The following TECPR2 variants were observed in gnomAD, a reference collection of about 807,000 sequenced individuals.
TECPR2 encodes the protein tectonin beta-propeller repeat containing 2, also known as tectonin beta-propeller repeat-containing protein 2.
TECPR2 carries 65 observed loss-of-function variants against 138.1 expected under a neutral mutation model. That is an observed-to-expected ratio of 0.47 (90% CI 0.39 to 0.58). The LOEUF (loss-of-function observed/expected upper bound fraction) is 0.58, where lower values mean the gene tolerates loss of function less well. Among genes scored for constraint, TECPR2 ranks in the 20% least tolerant of loss-of-function variants. The pLI is 0.00. For synonymous variants in TECPR2, 746 were observed against 749.8 expected (o/e 0.99, Z 0.08); for missense variants, 1,553 against 1,824.5 (o/e 0.85, Z 2.71).
rs1891361242 is a variant in TECPR2 at position 102,498,731 on chromosome 14, T to C, written c.*474T>C. On this transcript the variant is annotated 3_prime_UTR_variant, in exon 20 of 20. Transcript: ENST00000359520. ...GCTCGGTGATGGCTTTGTCCCATCA[T>C]AGGGGGGTGTCCCCCCAGAGACAAA... 8.9e-6 allele frequency: 4 copies of C among 448,032 alleles called. No homozygotes were observed. The highest frequency in any genetic ancestry group is 7.3e-5 in the South Asian group (4 of 54,728). The allele number at this position is 448,032 out of a possible 1,614,324, so 27.8% of individuals were successfully genotyped here. A position where few individuals can be genotyped will look rare whatever the true frequency, so the allele number is the denominator to read the frequency against.
chr14:102,490,627 G>A (rs1401293560), intron 17 of TECPR2, among the ~76,000 whole-genome samples: 2 of 152,212 alleles, frequency 1.3e-5, no homozygotes, highest in African/African-American at 2.4e-5. Flanking sequence ...GCCCCGGCCT[G>A]GCGTCTGCTC....
chr14:102,466,502 C>T (rs1890552985), intron 17 of TECPR2, among the ~76,000 whole-genome samples: 1 of 152,188 alleles, frequency 6.6e-6, no homozygotes, highest in South Asian at 2.1e-4. Flanking sequence ...ATGTTTAGCA[C>T]TGCTGGGGCA....
Position 102,408,479 on chromosome 14 carries a change from T to C in TECPR2, c.349-9T>C. On this transcript the variant is annotated splice_polypyrimidine_tract_variant and intron_variant, in intron 3 of 19. Transcript: ENST00000359520. Reference sequence around the variant, plus strand: ...TTTTCTTGTGTATATTTTTATCCCTTGTTCATAGCTTCGGAGATTTGATGT... The same window carrying C: ...TTTTCTTGTGTATATTTTTATCCCTCGTTCATAGCTTCGGAGATTTGATGT... The C allele has an allele frequency of 6.3e-7, 1 of 1,595,086 alleles. No individual in the cohort carries two copies. The highest frequency in any genetic ancestry group is 8.5e-7 in the Non-Finnish European group (1 of 1,175,118).
chr14:102,399,080 T>G (rs1888397192), intron 2 of TECPR2, among the ~76,000 whole-genome samples: 1 of 152,120 alleles, frequency 6.6e-6, no homozygotes, highest in African/African-American at 2.4e-5. Flanking sequence ...CTGGCCAACA[T>G]GGCGAAACTC....
intron 17 of TECPR2, among the ~76,000 whole-genome samples, chr14:102,493,041 C>T (rs1891191043): frequency 6.6e-6 from 1 of 152,236 alleles, no homozygotes; most frequent in Admixed American, 6.5e-5. Flanking sequence ...GTGCTGCTTC[C>T]AGCGCCCATC....
At chr14:102,454,405 C>A (rs1890226857) in intron 16 of TECPR2, among the ~76,000 whole-genome samples, 1 of 152,216 alleles carries the variant, frequency 6.6e-6, no homozygotes, top group Non-Finnish European at 1.5e-5. Flanking sequence ...GCTGAAGAAG[C>A]AAGTTCTGTT....
At chr14:102,424,781 G>A (rs1431702895) in intron 5 of TECPR2, among the ~76,000 whole-genome samples, 198 bp from the exon 6 acceptor site, 2 of 152,240 alleles carry the variant, frequency 1.3e-5, no homozygotes, top group East Asian at 3.8e-4. Flanking sequence ...ACACACCTGT[G>A]AGGGTGTGGT....
At position 102,415,138 on chromosome 14, in the gene TECPR2, G is replaced by C. The variant is rs1025815348; in HGVS notation, c.638+345G>C. 6.6e-6 allele frequency among the ~76,000 whole-genome samples: 1 copy of C among 152,320 alleles called. No homozygotes were observed. Among genetic ancestry groups the C allele is most frequent in the East Asian group, 1.9e-4 (1 of 5,168 alleles). Reference sequence around the variant, plus strand: ...CCACACAGCCCTGGTGAGGGGTCAGGGTTGTGGGGCTCACTCGTTATTCAG... The same window carrying C: ...CCACACAGCCCTGGTGAGGGGTCAGCGTTGTGGGGCTCACTCGTTATTCAG... On this transcript the variant is annotated intron_variant, in intron 5 of 19. Transcript: ENST00000359520. The surrounding 1 kb of genome is among the most constrained non-coding windows in gnomAD (Gnocchi z 4.3).
At chr14:102,452,038 C>T (rs1433582449) in intron 15 of TECPR2, among the ~76,000 whole-genome samples, 1 of 152,198 alleles carries the variant, frequency 6.6e-6, no homozygotes, top group Non-Finnish European at 1.5e-5. Flanking sequence ...TAACTTTCTA[C>T]ATTAAAAATG....
chr14:102,440,652 A>G (rs781681952), intron 11 of TECPR2, 43 bp downstream of exon 11: 2 of 1,596,164 alleles, frequency 1.3e-6, no homozygotes, highest in South Asian at 1.1e-5. Flanking sequence ...CTCTGCCGTC[A>G]CTGCCTCTGC....
chr14:102,406,816 T>G (rs765416363), intron 2 of TECPR2, among the ~76,000 whole-genome samples: 7 of 152,200 alleles, frequency 4.6e-5, no homozygotes, highest in Non-Finnish European at 8.8e-5. Context: ...ATTGCACCAC[T>G]GCCCTCCTAC....
intron 2 of TECPR2, among the ~76,000 whole-genome samples, chr14:102,381,837 A>G (rs1359221560): frequency 6.6e-6 from 1 of 152,228 alleles, no homozygotes; most frequent in Admixed American, 6.5e-5. Context: ...TTTAAAATAT[A>G]TTTGACAGTT....
chr14:102,465,042 T>A, intron 16 of TECPR2, 99 bp from the exon 17 acceptor site: 1 of 1,457,326 alleles, frequency 6.9e-7, no homozygotes, highest in Non-Finnish European at 9.5e-7. Flanking sequence ...GCAGCCTCAT[T>A]TCTTTCTTTG....
At chr14:102,414,919 C>T in intron 5 of TECPR2, 126 bp downstream of exon 5, 1 of 1,188,364 alleles carries the variant, frequency 8.4e-7, no homozygotes, top group Non-Finnish European at 1.2e-6. Flanking sequence ...GCCTCTAAGC[C>T]TGGGGTTCCT....
intron 2 of TECPR2, among the ~76,000 whole-genome samples, chr14:102,399,748 T>C (rs1200681236): frequency 6.6e-6 from 1 of 151,784 alleles, no homozygotes; most frequent in East Asian, 2.0e-4. Context: ...GGAGAATCGC[T>C]TGAACCCAGG....
intron 2 of TECPR2, among the ~76,000 whole-genome samples, chr14:102,382,983 C>A (rs1001022729): frequency 6.6e-6 from 1 of 152,136 alleles, no homozygotes; most frequent in African/African-American, 2.4e-5. Flanking sequence ...GTCTCGAACG[C>A]CAGACTTCAG....
intron 16 of TECPR2, among the ~76,000 whole-genome samples, chr14:102,455,306 C>G (rs1890249111): frequency 6.6e-6 from 1 of 152,124 alleles, no homozygotes; most frequent in Non-Finnish European, 1.5e-5. Context: ...TCCGGCTGAC[C>G]CCGAAATGAA....
intron 2 of TECPR2, among the ~76,000 whole-genome samples, chr14:102,383,739 A>G (rs1235083089): frequency 6.6e-6 from 1 of 151,812 alleles, no homozygotes; most frequent in Non-Finnish European, 1.5e-5. Flanking sequence ...CTGTATAACT[A>G]TTTAAATATT....
intron 5 of TECPR2, 27 bp downstream of exon 5, chr14:102,414,820 G>C: frequency 6.2e-7 from 1 of 1,612,590 alleles, no homozygotes; most frequent in Non-Finnish European, 8.5e-7. Context: ...TGCCAGTTTG[G>C]CCTAAATGCT....
Sources: gnomAD v4.1 joint callset for allele counts (sites outside exome capture counted in the v4.1 genomes callset) on GRCh38, gnomAD v4.1.1 for gene constraint, Gnocchi (gnomAD v3.1) non-coding constraint, MANE v1.5 for transcripts, NCBI Gene and HGNC (gene_info 2026-07-23, HGNC 2026-07-21) for gene names.